Variants in CMIP observed in about 807,000 individuals in gnomAD.
The protein encoded by CMIP is c-Maf inducing protein.
Under a neutral mutation model 97.3 loss-of-function variants are expected in CMIP, and 13 were observed. That is an observed-to-expected ratio of 0.13 (90% CI 0.09 to 0.21). The LOEUF (loss-of-function observed/expected upper bound fraction) is 0.21, where lower values mean the gene tolerates loss of function less well. CMIP is among the 10% of genes least tolerant of loss of function. The pLI is 1.00. For missense variants in CMIP, 847 were observed against 1,024.9 expected (o/e 0.83, Z 2.37); for synonymous variants, 538 against 436.3 (o/e 1.23, Z -2.91).
chr16:81,481,227 C>A (rs1908242743), intron 1 of CMIP, among the ~76,000 whole-genome samples: 2 of 152,230 alleles, frequency 1.3e-5, no homozygotes, highest in Admixed American at 6.5e-5. Flanking sequence ...GGCACAGTCT[C>A]CATTATCCTC....
chr16:81,465,712 G>T (rs1907162604), intron 1 of CMIP, among the ~76,000 whole-genome samples: 1 of 152,226 alleles, frequency 6.6e-6, no homozygotes, highest in Non-Finnish European at 1.5e-5. Context: ...GCCTGTGGTG[G>T]TGACTGGGCA....
intron 1 of CMIP, among the ~76,000 whole-genome samples, chr16:81,492,113 A>G (rs1179694342): frequency 6.6e-6 from 1 of 152,210 alleles, no homozygotes; most frequent in East Asian, 1.9e-4. Flanking sequence ...ATCATTTGGA[A>G]AAATTCCCAG....
intron 1 of CMIP, among the ~76,000 whole-genome samples, chr16:81,590,705 C>T (rs1218037080): frequency 6.6e-6 from 1 of 152,166 alleles, no homozygotes; most frequent in African/African-American, 2.4e-5. Context: ...TCAGTAGGAC[C>T]CAGTCCTGGC....
chr16:81,661,600 A>G (rs966364901), intron 6 of CMIP, among the ~76,000 whole-genome samples: 26 of 152,032 alleles, frequency 1.7e-4, no homozygotes, highest in African/African-American at 5.8e-4. Context: ...CCCCGCTCCC[A>G]TTACCTGCCT....
intron 14 of CMIP, among the ~76,000 whole-genome samples, 188 bp from the exon 15 acceptor site, chr16:81,699,497 G>T (rs989364215): frequency 3.3e-5 from 5 of 152,170 alleles, no homozygotes; most frequent in African/African-American, 1.2e-4. Context: ...GGGTTCATCT[G>T]GGTTAGATCG....
At chr16:81,465,408 TA>T (rs2150741523) in intron 1 of CMIP, among the ~76,000 whole-genome samples, 1 of 152,288 alleles carries the variant, frequency 6.6e-6, no homozygotes, top group South Asian at 2.1e-4. Flanking sequence ...GCGTCCTTGA[TA>T]GGGGCAGGAT....
At chr16:81,481,346 G>C (rs372068715) in intron 1 of CMIP, among the ~76,000 whole-genome samples, 4 of 152,060 alleles carry the variant, frequency 2.6e-5, no homozygotes, top group African/African-American at 9.7e-5. Context: ...GTACAGGTGA[G>C]GGCCTTGAGC....
At chr16:81,449,070 G>T (rs1416589110) in intron 1 of CMIP, among the ~76,000 whole-genome samples, 1 of 152,248 alleles carries the variant, frequency 6.6e-6, no homozygotes, top group African/African-American at 2.4e-5. Context: ...ATGTTTGTCC[G>T]TGGGCAGAGG....
At chr16:81,511,667 C>T (rs895091238) in intron 1 of CMIP, among the ~76,000 whole-genome samples, 1 of 147,054 alleles carries the variant, frequency 6.8e-6, no homozygotes, top group Non-Finnish European at 1.6e-5. Context: ...CTCAGATGAT[C>T]CTCCCACCTC....
At chr16:81,612,544 C>T (rs1240278257) in intron 2 of CMIP, among the ~76,000 whole-genome samples, 1 of 152,182 alleles carries the variant, frequency 6.6e-6, no homozygotes. Flanking sequence ...CTCCTTTTCC[C>T]TAAGAAACTG....
chr16:81,544,038 T>G (rs1029104687), intron 1 of CMIP, among the ~76,000 whole-genome samples: 8 of 152,194 alleles, frequency 5.3e-5, no homozygotes, highest in Non-Finnish European at 8.8e-5. Flanking sequence ...GTGAGCCTCC[T>G]TGGGGTACCC....
rs771200202 is a variant in CMIP, at chr16:81,678,549, G to T, written c.1309G>T (p.Ala437Ser). 2 of 1,608,384 alleles carry T rather than the reference G, an allele frequency of 1.2e-6. No homozygotes were observed. Among genetic ancestry groups the T allele is most frequent in the Non-Finnish European group, 1.7e-6 (2 of 1,178,350 alleles). Residue 437 changes from alanine (A) to serine (S), a missense_variant, in exon 10 of 21, where the codon GCC becomes TCC. This residue lies in a region of CMIP where 202 missense variants were observed against 168.7 expected (regional missense o/e 1.20). Coordinates refer to ENST00000537098, the MANE Select transcript of CMIP (RefSeq NM_198390.3). The stretch of plus-strand genomic sequence containing the variant: ...CATCGACTGCCTCATGGTCAGCCCC[G>T]CCTGCAGCACCATGAGCATCGAGCT... ...NLIDCLMVSP[A>S]CSTMSIELGP...
chr16:81,478,228 A>G (rs1366838550), intron 1 of CMIP, among the ~76,000 whole-genome samples: 1 of 152,106 alleles, frequency 6.6e-6, no homozygotes, highest in African/African-American at 2.4e-5. Context: ...GGAACAGGCC[A>G]TCCTTTGAAA....
chr16:81,676,352 C>G (rs932627135), intron 9 of CMIP, among the ~76,000 whole-genome samples: 2 of 151,962 alleles, frequency 1.3e-5, no homozygotes, highest in African/African-American at 4.8e-5. Flanking sequence ...CCGTCATGTC[C>G]TCCAGGCCGT....
intron 4 of CMIP, among the ~76,000 whole-genome samples, chr16:81,654,808 T>C (rs2092465354): frequency 6.6e-6 from 1 of 152,200 alleles, no homozygotes; most frequent in Non-Finnish European, 1.5e-5. Context: ...GTGATGAAGC[T>C]TATGCCCCTG....
In CMIP at chr16:81,664,292, C is replaced by T; in HGVS notation, c.768C>T (p.Ser256=). The change falls in exon 7 of 21, where the codon TCC becomes TCT. Residue 256 remains serine, a synonymous_variant. Transcript: ENST00000537098. Reference sequence around the variant, plus strand: ...AGCACTGCAGAGAGCGGCCCCGGTCCATGGTGGTCATCGAGGTGTTCACCC... The same window carrying T: ...AGCACTGCAGAGAGCGGCCCCGGTCTATGGTGGTCATCGAGGTGTTCACCC... ...FCKHCRERPR[S]MVVIEVFTPV... is the part of the protein sequence containing the mutation. 6.2e-7 allele frequency: 1 copy of T among 1,602,906 alleles called. No individual in the cohort carries two copies. Among genetic ancestry groups the T allele is most frequent in the East Asian group, 2.3e-5 (1 of 44,304 alleles).
At chr16:81,702,815 C>A in intron 17 of CMIP, 146 bp downstream of exon 17, 1 of 697,180 alleles carries the variant, frequency 1.4e-6, no homozygotes, top group Non-Finnish European at 2.6e-6. Context: ...CACGCCAGCT[C>A]TTCCAGGAGG....
At chr16:81,470,237 A>C (rs1907440398) in intron 1 of CMIP, among the ~76,000 whole-genome samples, 1 of 152,258 alleles carries the variant, frequency 6.6e-6, no homozygotes. Context: ...CATTTGAGAC[A>C]AAGGCGCCGC....
intron 15 of CMIP, among the ~76,000 whole-genome samples, chr16:81,700,113 TG>T (rs1265116270): frequency 3.3e-5 from 5 of 152,210 alleles, no homozygotes; most frequent in Non-Finnish European, 7.3e-5. Flanking sequence ...CTTTTGCACA[TG>T]GGCATTGGGG....
Sources: gnomAD v4.1 joint callset for allele counts (sites outside exome capture counted in the v4.1 genomes callset) on GRCh38, gnomAD v4.1.1 for gene constraint, gnomAD v4.1.1 regional missense constraint, MANE v1.5 for transcripts, NCBI Gene and HGNC (gene_info 2026-07-23, HGNC 2026-07-21) for gene names.